The following CD46 variants were observed in gnomAD, a reference collection of about 807,000 sequenced individuals.
CD46 encodes membrane cofactor protein.
A neutral mutation model predicts 53.3 loss-of-function variants in CD46; 30 were observed. The ratio of observed to expected loss-of-function variants is 0.56; its 90% CI spans 0.42 to 0.76. The LOEUF (loss-of-function observed/expected upper bound fraction) is 0.76. Ranked by LOEUF, CD46 falls within the 30% of genes least tolerant of loss-of-function variation. The pLI, the probability that CD46 is intolerant of heterozygous loss-of-function variation, is 0.00. For missense variants in CD46, 409 were observed against 463.0 expected, an observed-to-expected ratio of 0.88 and a Z score of 1.07; for synonymous variants, 142 against 152.0, an observed-to-expected ratio of 0.93 and a Z score of 0.48.
At chr1:207,783,225 T>G in intron 8 of CD46, 67 bp from the exon 9 acceptor site, 2 of 892,672 alleles carry the variant, frequency 2.2e-6, no homozygotes, top group Non-Finnish European at 3.7e-6. Context: ...TTTAAAGGAT[T>G]TTAAGCTTTA....
chr1:207,769,135 G>A (rs1279766470), intron 7 of CD46: 1 of 152,260 alleles, frequency 6.6e-6, no homozygotes, highest in Non-Finnish European at 1.5e-5. Flanking sequence ...GCAGGCACTT[G>A]TAATCCCAGC....
Position 207,794,369 on chromosome 1 carries a change from CTTG to C in CD46, c.*898_*900del. On this transcript the variant is annotated 3_prime_UTR_variant, in exon 13 of 13. Coordinates refer to ENST00000367042, the MANE Select transcript of CD46 (RefSeq NM_172351.3). ...CATGGTGCGAAGTGAACACTGTAGT[CTTG>C]TTGTTTTCCCAAAGAGAACTCCGTA... 1 of 152,324 alleles carries C rather than the reference CTTG, an allele frequency of 6.6e-6. No individual in the cohort carries two copies. The highest frequency in any genetic ancestry group is 2.4e-5 in the African/African-American group (1 of 41,568). 9.4% of individuals were successfully genotyped at this position (152,324 alleles called of 1,614,324 possible).
chr1:207,771,593 C>G (rs1273798611), intron 8 of CD46, among the ~76,000 whole-genome samples: 1 of 152,132 alleles, frequency 6.6e-6, no homozygotes, highest in Non-Finnish European at 1.5e-5. Context: ...AGGAAGGGAT[C>G]CAGTTTCAGC....
intron 12 of CD46, among the ~76,000 whole-genome samples, chr1:207,792,701 A>T (rs188208663): frequency 6.6e-6 from 1 of 152,326 alleles, no homozygotes; most frequent in Non-Finnish European, 1.5e-5. Flanking sequence ...TGTCTATTAA[A>T]GTCAATTTAC....
At chr1:207,790,001 CAT>C (rs907601543) in intron 11 of CD46, among the ~76,000 whole-genome samples, 4 of 149,632 alleles carry the variant, frequency 2.7e-5, no homozygotes, top group Admixed American at 6.7e-5. Flanking sequence ...CAAAGATAAA[CAT>C]ATTAAACAGG....
intron 10 of CD46, 63 bp from the exon 11 acceptor site, chr1:207,785,556 G>A (rs1207831957): frequency 8.2e-6 from 9 of 1,094,474 alleles, no homozygotes; most frequent in Non-Finnish European, 1.1e-5. Context: ...TCTTCTGCTA[G>A]ATGTTGAATC....
intron 11 of CD46, among the ~76,000 whole-genome samples, chr1:207,789,208 G>A (rs1414005123): frequency 6.6e-6 from 1 of 152,064 alleles, no homozygotes; most frequent in Non-Finnish European, 1.5e-5. Context: ...TGACAGTTTG[G>A]CTAAGTTAGT....
intron 8 of CD46, among the ~76,000 whole-genome samples, chr1:207,782,788 C>T (rs1395312135): frequency 6.7e-6 from 1 of 150,216 alleles, no homozygotes; most frequent in East Asian, 1.9e-4. Context: ...GCTGGGATTA[C>T]AGGCACGCAC....
rs2102727929 is a variant in CD46 at position 207,794,029 on chromosome 1, A to C, written c.*552A>C. 6.0e-6 allele frequency: 1 copy of C among 167,834 alleles called. No individual in the cohort carries two copies. Among genetic ancestry groups the C allele is most frequent in the African/African-American group, 2.4e-5 (1 of 41,950 alleles). 10.4% of individuals were successfully genotyped at this position (167,834 alleles called of 1,614,324 possible). ...ATTTTATATATCGTTCATTGTAAAA[A>C]GCCCTTAAAAATATGTGTATACTAC... On this transcript the variant is annotated 3_prime_UTR_variant, in exon 13 of 13. Transcript: ENST00000367042.
chr1:207,775,617 C>T (rs762718727), intron 8 of CD46, among the ~76,000 whole-genome samples: 4 of 152,102 alleles, frequency 2.6e-5, no homozygotes, highest in Non-Finnish European at 4.4e-5. Flanking sequence ...CAGTCAGACC[C>T]CTCAGCTGCA....
rs138263832 is a variant in CD46, at chr1:207,785,189, A to T, written c.1018+83A>T. On this transcript the variant is annotated intron_variant, in intron 10 of 12. Transcript: ENST00000367042. ...TTTTAAAAATAGTTTTTCAGTTTCT[A>T]TAGTTTTTTCAGCTTGTAAATTGGT... The T allele has an allele frequency of 5.2e-6, 6 of 1,156,684 alleles. No individual in the cohort carries two copies. In the Admixed American group the frequency reaches 7.5e-5, roughly 15 times the overall value. 71.7% of individuals were successfully genotyped at this position (1,156,684 alleles called of 1,614,324 possible). A position where few individuals can be genotyped will look rare whatever the true frequency, so the allele number is the denominator to read the frequency against.
intron 5 of CD46, among the ~76,000 whole-genome samples, chr1:207,763,863 ATACTT>A (rs1656528306): frequency 7.3e-5 from 7 of 95,696 alleles, no homozygotes; most frequent in Non-Finnish European, 1.5e-4. Flanking sequence ...TTTTTTTTGT[ATACTT>A]TAAATTTGTG....
intron 5 of CD46, 84 bp from the exon 6 acceptor site, chr1:207,766,929 G>A: frequency 9.2e-7 from 1 of 1,082,044 alleles, no homozygotes; most frequent in Non-Finnish European, 1.4e-6. Flanking sequence ...CCTTGTCTCT[G>A]TTCACACTGG....
chr1:207,758,713 A>T (rs41317069), intron 3 of CD46, among the ~76,000 whole-genome samples: 338 of 152,314 alleles, frequency 2.2e-3, no homozygotes, highest in African/African-American at 7.8e-3. Context: ...TTGGAGGAAA[A>T]ATCAGCTGTG....
intron 11 of CD46, 91 bp downstream of exon 11, chr1:207,785,773 CTATCTTT>C (rs1418407228): frequency 5.2e-5 from 36 of 689,794 alleles, no homozygotes; most frequent in East Asian, 5.2e-4. Context: ...GTATTGCATG[CTATCTTT>C]TTTTTTTTTT....
intron 7 of CD46, 175 bp from the exon 8 acceptor site, chr1:207,770,146 C>T (rs185153703): frequency 3.0e-5 from 18 of 609,270 alleles, no homozygotes; most frequent in East Asian, 2.9e-5. Flanking sequence ...GTACATACAT[C>T]TTACATACTT....
At chr1:207,772,922 A>G (rs1473280104) in intron 8 of CD46, among the ~76,000 whole-genome samples, 1 of 152,180 alleles carries the variant, frequency 6.6e-6, no homozygotes, top group Non-Finnish European at 1.5e-5. Context: ...CCTAAAATGA[A>G]TTAGGGAGGA....
intron 5 of CD46, among the ~76,000 whole-genome samples, chr1:207,761,709 T>G (rs1050869427): frequency 6.5e-4 from 74 of 113,346 alleles, no homozygotes; most frequent in African/African-American, 2.4e-3. Context: ...AGTTTTTGTT[T>G]GAAAGAACCA....
rs148467119 is a variant in CD46, at chr1:207,760,127, G to A, written c.475+403G>A. 3.4e-3 allele frequency: 578 copies of A among 172,252 alleles called. 3 individuals are homozygous for A. The highest frequency in any genetic ancestry group is 5.6e-3 in the Admixed American group (99 of 17,614). 10.7% of individuals were successfully genotyped at this position (172,252 alleles called of 1,614,324 possible). A position where few individuals can be genotyped will look rare whatever the true frequency, so the allele number is the denominator to read the frequency against. On this transcript the variant is annotated intron_variant, in intron 4 of 12. Coordinates refer to ENST00000367042, the MANE Select transcript of CD46 (RefSeq NM_172351.3). ...TCCCATGCTCAAGCAGTCTGCCCCC[G>A]TGGGCCTCCCAAAGTGCTGGGATTA...
Sources: allele counts gnomAD v4.1 joint callset (sites outside exome capture counted in the v4.1 genomes callset), GRCh38; gene constraint gnomAD v4.1.1; transcripts MANE v1.5; gene names NCBI Gene and HGNC (gene_info 2026-07-23, HGNC 2026-07-21).